The following UTY variants were observed in gnomAD, a reference collection of about 807,000 sequenced individuals.
UTY encodes ubiquitously transcribed tetratricopeptide repeat containing, Y-linked, also known as histone demethylase UTY.
A neutral mutation model predicts 32.5 loss-of-function variants in UTY; 12 were observed. The ratio of observed to expected loss-of-function variants is 0.37; its 90% CI spans 0.24 to 0.60. The LOEUF (loss-of-function observed/expected upper bound fraction) is 0.60. Ranked by LOEUF, UTY falls within the 20% of genes least tolerant of loss-of-function variation. The pLI, the probability that UTY is intolerant of heterozygous loss-of-function variation, is 0.69. For synonymous variants in UTY, 131 were observed against 103.4 expected (o/e 1.27, Z -1.62); for missense variants, 303 against 299.2 (o/e 1.01, Z -0.09).
downstream of UTY, among the ~76,000 whole-genome samples, chrY:13,243,506 C>T: frequency 3.1e-5 from 1 of 32,773 alleles, no homozygotes; most frequent in Non-Finnish European, 7.5e-5. Context: ...AGGAAACAAT[C>T]ACTGGAGTGA....
chrY:13,241,214 A>G (rs2053897121), intron 28 of UTY, among the ~76,000 whole-genome samples: 1 of 32,426 alleles, frequency 3.1e-5, no homozygotes, highest in African/African-American at 1.2e-4. Flanking sequence ...ATTAATAGCA[A>G]TAGGAACTGT....
chrY:13,457,235 C>G, intron 3 of UTY, among the ~76,000 whole-genome samples: 1 of 33,121 alleles, frequency 3.0e-5, no homozygotes, highest in Admixed American at 2.8e-4. Flanking sequence ...TCTTATGATA[C>G]AAAGTCAATT....
chrY:13,286,549 T>C, intron 27 of UTY: 1 of 325,254 alleles, frequency 3.1e-6, no homozygotes, highest in Non-Finnish European at 4.4e-6. Flanking sequence ...AAATGTAACC[T>C]TAAAATTTGA....
chrY:13,335,349 G>GA (rs2060979528), intron 18 of UTY, among the ~76,000 whole-genome samples: 1 of 27,335 alleles, frequency 3.7e-5, no homozygotes, highest in South Asian at 8.3e-4. Flanking sequence ...AGAACTTAAA[G>GA]AAAAAAAAAA....
At chrY:13,393,294 T>C in intron 8 of UTY, 1 of 33,554 alleles carries the variant, frequency 3.0e-5, no homozygotes, top group African/African-American at 1.2e-4. Flanking sequence ...AAATCTGCTA[T>C]ACAAAGCAAA....
chrY:13,285,014 C>T (rs2057269122), intron 27 of UTY, among the ~76,000 whole-genome samples: 1 of 34,399 alleles, frequency 2.9e-5, no homozygotes, highest in Non-Finnish European at 7.3e-5. Flanking sequence ...TGCTATATCC[C>T]AGAATCCCTG....
At chrY:13,412,184 G>A (rs2071053641) in intron 5 of UTY, among the ~76,000 whole-genome samples, 3 of 33,464 alleles carry the variant, frequency 9.0e-5, no homozygotes, top group African/African-American at 2.3e-4. Flanking sequence ...AAATAAATAC[G>A]AGGGCAAAAG....
intron 27 of UTY, among the ~76,000 whole-genome samples, chrY:13,267,468 T>A (rs982365205): frequency 1.4e-3 from 46 of 33,385 alleles, no homozygotes; most frequent in Non-Finnish European, 7.4e-4. Context: ...AGGTCTTGAC[T>A]GTCTATCCAA....
chrY:13,406,659 A>G (rs912551191), intron 6 of UTY, among the ~76,000 whole-genome samples: 1 of 30,676 alleles, frequency 3.3e-5, no homozygotes, highest in African/African-American at 1.3e-4. Context: ...GTAAATTTCT[A>G]TACAATCTTT....
At chrY:13,297,612 T>C in intron 27 of UTY, 95 bp downstream of exon 27, 1 of 384,772 alleles carries the variant, frequency 2.6e-6, no homozygotes, top group African/African-American at 6.3e-5. Flanking sequence ...GGACTGCTGA[T>C]ATCATTTAAT....
intron 8 of UTY, among the ~76,000 whole-genome samples, chrY:13,385,160 AC>A (rs2066569485): frequency 3.0e-5 from 1 of 33,879 alleles, no homozygotes; most frequent in Non-Finnish European, 7.3e-5. Flanking sequence ...TTTCTTATAT[AC>A]CAGCAATGAA....
At chrY:13,312,201 G>A in intron 21 of UTY, among the ~76,000 whole-genome samples, 1 of 31,646 alleles carries the variant, frequency 3.2e-5, no homozygotes, top group Admixed American at 2.8e-4. Context: ...GACCATCCTA[G>A]CTAACACAGT....
intron 4 of UTY, among the ~76,000 whole-genome samples, chrY:13,424,702 G>A (rs2149785447): frequency 3.0e-5 from 1 of 32,829 alleles, no homozygotes; most frequent in Non-Finnish European, 7.5e-5. Context: ...GGGCGACAGA[G>A]AGAGATCCCG....
At chrY:13,443,869 G>C (rs946163354) in intron 4 of UTY, among the ~76,000 whole-genome samples, 1 of 34,005 alleles carries the variant, frequency 2.9e-5, no homozygotes, top group Non-Finnish European at 7.3e-5. Flanking sequence ...GAAAAGACCA[G>C]AGCAGCATTA....
chrY:13,325,462 A>C (rs2060179675), intron 19 of UTY, among the ~76,000 whole-genome samples: 1 of 33,632 alleles, frequency 3.0e-5, no homozygotes, highest in Non-Finnish European at 7.4e-5. Context: ...CAAACTCTTC[A>C]GAAGGAAAAA....
chrY:13,355,979 G>T lies in UTY; in HGVS notation c.1609C>A (p.Pro537Thr), dbSNP rs1244202914. 2.6e-6 allele frequency: 1 copy of T among 391,952 alleles called. No homozygotes were observed. The highest frequency in any genetic ancestry group is 3.1e-5 in the South Asian group (1 of 32,264). ...TGTTCCAGCTGATGCTTCTGTGCTG[G>T]ATTTAAATTATCTCTATTTGCTCGC... ...QLRANRDNLN[P>T]AQKHQLEQLE... Residue 537 changes from proline to threonine, a missense_variant, in exon 16 of 30, where the codon CCA (proline) becomes ACA (threonine). Transcript: ENST00000545955.
At chrY:13,426,760 A>G in intron 4 of UTY, among the ~76,000 whole-genome samples, 1 of 33,018 alleles carries the variant, frequency 3.0e-5, no homozygotes, top group East Asian at 7.9e-4. Flanking sequence ...AAAGAAAGAA[A>G]AGTCTATCCC....
At chrY:13,335,003 T>C in intron 18 of UTY, among the ~76,000 whole-genome samples, 1 of 33,564 alleles carries the variant, frequency 3.0e-5, no homozygotes, top group Non-Finnish European at 7.4e-5. Context: ...TGGAATACTA[T>C]GCAGCCATAA....
At chrY:13,367,455 C>A in intron 9 of UTY, among the ~76,000 whole-genome samples, 1 of 33,267 alleles carries the variant, frequency 3.0e-5, no homozygotes, top group African/African-American at 1.2e-4. Flanking sequence ...CAATTGAAAT[C>A]TAATAGATAA....
Sources: allele counts gnomAD v4.1 joint callset (sites outside exome capture counted in the v4.1 genomes callset), GRCh38; gene constraint gnomAD v4.1.1; transcripts MANE v1.5; gene names NCBI Gene and HGNC (gene_info 2026-07-23, HGNC 2026-07-21).